The following SCN2A variants were observed in gnomAD, a reference collection of about 807,000 sequenced individuals.
SCN2A encodes sodium channel protein type 2 subunit alpha.
In SCN2A, 20 loss-of-function variants were observed where a neutral mutation model predicts 188.7. The ratio of observed to expected loss-of-function variants is 0.11; its 90% confidence interval spans 0.07 to 0.15. SCN2A has a LOEUF of 0.15. Ranked by LOEUF, SCN2A falls within the 10% of genes least tolerant of loss-of-function variation. The probability of loss-of-function intolerance (pLI) is 1.00; values close to 1 mark genes in which losing one functional copy is unlikely to be tolerated. For synonymous variants in SCN2A, 804 were observed against 833.1 expected (o/e 0.97, Z 0.60); for missense variants, 1,278 against 2,445.0 (o/e 0.52, Z 10.07).
chr2:165,316,175 T>C (rs896251533), intron 11 of SCN2A, among the ~76,000 whole-genome samples: 14 of 152,110 alleles, frequency 9.2e-5, no homozygotes, highest in Admixed American at 8.5e-4. Flanking sequence ...TCCCATAAGG[T>C]GCAAACATCA....
Position 165,344,723 on chromosome 2 carries a change from G to A in SCN2A, c.2731G>A (p.Val911Ile). The A allele has an allele frequency of 6.2e-7, 1 of 1,614,094 alleles. No individual in the cohort carries two copies. Among genetic ancestry groups the A allele is most frequent in the African/African-American group, 1.3e-5 (1 of 75,002 alleles). The stretch of plus-strand genomic sequence containing the variant: ...CTTTGGTAAGAGCTACAAAGAATGT[G>A]TCTGCAAGATTTCCAATGATTGTGA... ...QLFGKSYKEC[V>I]CKISNDCELP... Residue 911 changes from valine to isoleucine, a missense_variant, in exon 16 of 27, where the codon GTC (valine) becomes ATC (isoleucine). Val to Ile is a conservative substitution (Grantham distance 29). Transcript: ENST00000375437.
Position 165,248,957 on chromosome 2 carries a change from T to A in SCN2A, c.-52+9317T>A, listed in dbSNP as rs79149471. On this transcript the variant is annotated intron_variant, in intron 1 of 26. Transcript: ENST00000375437. ...GCAATCTGCCTGATTTTTCATTCAGTATTTACACCAATAGAAATAAAATGC... is the reference window on the plus strand; with the variant it reads ...GCAATCTGCCTGATTTTTCATTCAGAATTTACACCAATAGAAATAAAATGC... Among the ~76,000 whole-genome samples the A allele has an allele frequency of 9.9e-3, 1,513 of 152,264 alleles. 7 individuals are homozygous for A. The highest frequency in any genetic ancestry group is 0.016 in the Non-Finnish European group (1,064 of 67,976).
chr2:165,365,228 A>G lies in SCN2A; in HGVS notation c.3485A>G (p.Glu1162Gly). 1 of 1,614,076 alleles carries G rather than the reference A, an allele frequency of 6.2e-7. No homozygotes were observed. Among genetic ancestry groups the G allele is most frequent in the Non-Finnish European group, 8.5e-7 (1 of 1,179,968 alleles). The change falls in exon 18 of 27, where the codon GAG (glutamate) becomes GGG (glycine). Residue 1162 changes from glutamate (E) to glycine (G), a missense_variant. Around this residue, in one of 17 missense-constraint regions of SCN2A, gnomAD observed 228 missense variants for 297.3 expected, o/e 0.77. Transcript: ENST00000375437. ...GGAGAACAGCCTGAGGTTGAACCTG[A>G]GGAATCCCTTGAACCTGAAGCCTGT... is the stretch of plus-strand genomic sequence containing the variant. ...AEGEQPEVEP[E>G]ESLEPEACFT...
chr2:165,256,140 G>A (rs960684054), intron 1 of SCN2A, among the ~76,000 whole-genome samples: 2 of 151,224 alleles, frequency 1.3e-5, no homozygotes, highest in Admixed American at 1.3e-4. Context: ...TGAGTAGCTG[G>A]GACTACAGGC....
At chr2:165,309,486 G>T in intron 6 of SCN2A, 43 bp downstream of exon 6, 1 of 1,609,272 alleles carries the variant, frequency 6.2e-7, no homozygotes, top group East Asian at 2.2e-5. Flanking sequence ...TAGCTACAGT[G>T]GTGCTACAAT....
At chr2:165,354,081 A>G in intron 16 of SCN2A, 111 bp from the exon 17 acceptor site, 1 of 1,304,312 alleles carries the variant, frequency 7.7e-7, no homozygotes. Flanking sequence ...ATTAGCAGAA[A>G]TGCATGTTAG....
chr2:165,255,817 T>C (rs1694290928), intron 1 of SCN2A, among the ~76,000 whole-genome samples: 1 of 152,118 alleles, frequency 6.6e-6, no homozygotes, highest in Non-Finnish European at 1.5e-5. Flanking sequence ...CTTAAAAATA[T>C]ATTTTGTTCT....
intron 11 of SCN2A, among the ~76,000 whole-genome samples, chr2:165,322,078 TACCATG>T (rs1559361479): frequency 3.3e-5 from 5 of 152,192 alleles, no homozygotes; most frequent in Non-Finnish European, 2.9e-5. Flanking sequence ...CAAGACATGT[TACCATG>T]ACCATGTCTT....
At chr2:165,370,532 A>G (rs1022016102) in intron 20 of SCN2A, 2 of 421,906 alleles carry the variant, frequency 4.7e-6, no homozygotes, top group Admixed American at 3.8e-5. Flanking sequence ...TTAATTTCAA[A>G]TTAATATTTA....
At chr2:165,387,125 A>G (rs918050905) in intron 26 of SCN2A, 109 bp downstream of exon 26, 1 of 1,135,562 alleles carries the variant, frequency 8.8e-7, no homozygotes, top group South Asian at 1.3e-5. Context: ...CAAACTCCCA[A>G]ATAAAAATCT....
chr2:165,358,247 T>C (rs1483108679), intron 17 of SCN2A, among the ~76,000 whole-genome samples: 3 of 152,174 alleles, frequency 2.0e-5, no homozygotes, highest in African/African-American at 4.8e-5. Flanking sequence ...AAAAAAAAGA[T>C]AGCCCAGTTA....
chr2:165,377,353 G>T (rs1338257134), intron 22 of SCN2A, among the ~76,000 whole-genome samples: 1 of 151,838 alleles, frequency 6.6e-6, no homozygotes, highest in Non-Finnish European at 1.5e-5. Context: ...ATAGCATATT[G>T]TTACAGTAGA....
intron 17 of SCN2A, among the ~76,000 whole-genome samples, chr2:165,357,564 C>A (rs1312387602): frequency 1.3e-5 from 2 of 151,894 alleles, no homozygotes; most frequent in East Asian, 1.9e-4. Context: ...CTAGAGTAGG[C>A]CATTTAAAAT....
chr2:165,346,999 G>A (rs1699624922), intron 16 of SCN2A, among the ~76,000 whole-genome samples: 2 of 152,188 alleles, frequency 1.3e-5, no homozygotes, highest in African/African-American at 4.8e-5. Context: ...TGGTGGGAGT[G>A]TAAACTAGTT....
intron 25 of SCN2A, among the ~76,000 whole-genome samples, chr2:165,384,487 A>C (rs1440938524): frequency 6.6e-6 from 1 of 152,164 alleles, no homozygotes; most frequent in Admixed American, 6.6e-5. Flanking sequence ...TGTCTGTCTC[A>C]TTGGACAACT....
At chr2:165,386,596 C>A (rs1186551434) in intron 25 of SCN2A, 150 bp from the exon 26 acceptor site, 1 of 840,078 alleles carries the variant, frequency 1.2e-6, no homozygotes, top group Admixed American at 2.8e-5. Context: ...ACTGGTTTTG[C>A]AAGGAATTTT....
intron 2 of SCN2A, 83 bp downstream of exon 2, chr2:165,296,173 G>A: frequency 6.8e-6 from 9 of 1,316,470 alleles, no homozygotes; most frequent in South Asian, 1.2e-5. Flanking sequence ...GAAGAAGGCT[G>A]GCCTCCTTCC....
At chr2:165,291,409 TTC>T (rs1559339928) in intron 1 of SCN2A, among the ~76,000 whole-genome samples, 1 of 146,870 alleles carries the variant, frequency 6.8e-6, no homozygotes, top group Non-Finnish European at 1.5e-5. Flanking sequence ...CCTTCCTTCC[TTC>T]CTTCCTCCCT....
intron 1 of SCN2A, among the ~76,000 whole-genome samples, chr2:165,248,492 G>A (rs936115362): frequency 3.3e-5 from 5 of 152,052 alleles, no homozygotes; most frequent in African/African-American, 7.2e-5. Flanking sequence ...CTCAAATGTC[G>A]TTTCTAAATA....
Sources: gnomAD v4.1 joint callset for allele counts (sites outside exome capture counted in the v4.1 genomes callset) on GRCh38, gnomAD v4.1.1 for gene constraint, gnomAD v4.1.1 regional missense constraint, MANE v1.5 for transcripts, NCBI Gene and HGNC (gene_info 2026-07-23, HGNC 2026-07-21) for gene names.